The following VPS54 variants were observed in gnomAD, a reference collection of about 807,000 sequenced individuals.
VPS54 encodes VPS54 subunit of GARP complex.
In VPS54, 45 loss-of-function variants were observed where a neutral mutation model predicts 121.5. That is an observed-to-expected ratio of 0.37 (90% confidence interval 0.29 to 0.47). The LOEUF (loss-of-function observed/expected upper bound fraction) is 0.47, where lower values mean the gene tolerates loss of function less well. VPS54 is among the 20% of genes least tolerant of loss of function. The pLI, the probability that VPS54 is intolerant of heterozygous loss-of-function variation, is 0.99. For synonymous variants in VPS54, 371 were observed against 385.8 expected (o/e 0.96, Z 0.45); for missense variants, 1,090 against 1,131.4 (o/e 0.96, Z 0.52).
chr2:63,894,206 C>T (rs1408138045), intron 22 of VPS54, among the ~76,000 whole-genome samples: 1 of 152,126 alleles, frequency 6.6e-6, no homozygotes, highest in Non-Finnish European at 1.5e-5. Flanking sequence ...CAAACTACTC[C>T]ACTAATGTGG....
At chr2:63,932,210 T>A (rs1336539312) in intron 12 of VPS54, among the ~76,000 whole-genome samples, 1 of 152,214 alleles carries the variant, frequency 6.6e-6, no homozygotes, top group East Asian at 1.9e-4. Flanking sequence ...TGCACACGTA[T>A]GTTTACTGTG....
intron 1 of VPS54, among the ~76,000 whole-genome samples, chr2:63,996,758 A>G (rs190793575): frequency 3.0e-4 from 46 of 152,170 alleles, no homozygotes; most frequent in Admixed American, 3.9e-4. Context: ...GATGAAACAC[A>G]CCCTAGTCTC....
chr2:63,938,024 G>A (rs957476861), intron 11 of VPS54, among the ~76,000 whole-genome samples: 12 of 149,726 alleles, frequency 8.0e-5, no homozygotes, highest in African/African-American at 3.0e-4. Flanking sequence ...CAGGGGATTG[G>A]GGAAAGTGGA....
chr2:63,986,561 A>G (rs375285008), intron 1 of VPS54, among the ~76,000 whole-genome samples: 5 of 152,370 alleles, frequency 3.3e-5, no homozygotes, highest in South Asian at 2.1e-4. Context: ...ATACTGCTGC[A>G]ATAAATATGG....
At chr2:63,941,516 C>T (rs1051843570) in intron 11 of VPS54, among the ~76,000 whole-genome samples, 1 of 152,144 alleles carries the variant, frequency 6.6e-6, no homozygotes, top group Non-Finnish European at 1.5e-5. Context: ...TGTAATCCAC[C>T]GTGCCCAGCC....
chr2:63,992,090 C>G (rs1040653152), intron 1 of VPS54, among the ~76,000 whole-genome samples: 1 of 152,170 alleles, frequency 6.6e-6, no homozygotes, highest in Non-Finnish European at 1.5e-5. Context: ...ATTCAGTTGA[C>G]GAGATTAAAC....
chr2:63,932,350 C>G (rs986077301), intron 12 of VPS54, among the ~76,000 whole-genome samples: 9 of 152,136 alleles, frequency 5.9e-5, no homozygotes, highest in Non-Finnish European at 1.3e-4. Flanking sequence ...AGTTCATGTC[C>G]TTTGCAGGGA....
At chr2:63,998,969 C>A (rs1403467357) in intron 1 of VPS54, among the ~76,000 whole-genome samples, 1 of 151,912 alleles carries the variant, frequency 6.6e-6, no homozygotes, top group African/African-American at 2.4e-5. Flanking sequence ...TTTTTTAAGA[C>A]AGAGTCTCAC....
chr2:64,008,357 T>C (rs1475523692), intron 1 of VPS54, among the ~76,000 whole-genome samples: 1 of 150,090 alleles, frequency 6.7e-6, no homozygotes, highest in Admixed American at 6.7e-5. Context: ...GAGGTTGCAA[T>C]GAGCCAAGAT....
intron 12 of VPS54, among the ~76,000 whole-genome samples, chr2:63,922,539 C>T (rs1444229058): frequency 1.3e-5 from 2 of 152,142 alleles, no homozygotes; most frequent in African/African-American, 4.8e-5. Flanking sequence ...AACATTATCT[C>T]GTTTCATTCT....
At chr2:63,984,701 A>C (rs1676960290) in intron 1 of VPS54, among the ~76,000 whole-genome samples, 1 of 152,246 alleles carries the variant, frequency 6.6e-6, no homozygotes, top group South Asian at 2.1e-4. Flanking sequence ...TAAGTAATTA[A>C]AACAAATATA....
intron 1 of VPS54, among the ~76,000 whole-genome samples, chr2:63,991,394 G>A (rs956561064): frequency 4.3e-4 from 66 of 152,130 alleles, no homozygotes; most frequent in African/African-American, 1.3e-3. Flanking sequence ...ACCTGATCAC[G>A]AGGTGTTCCC....
intron 20 of VPS54, among the ~76,000 whole-genome samples, chr2:63,904,945 A>G (rs1472547091): frequency 6.6e-6 from 1 of 152,246 alleles, no homozygotes; most frequent in African/African-American, 2.4e-5. Context: ...CAGATTTCCA[A>G]ATAACCCAAG....
At chr2:63,913,904 T>C in intron 17 of VPS54, 1 of 1,166,196 alleles carries the variant, frequency 8.6e-7, no homozygotes, top group South Asian at 2.8e-5. Context: ...TTGACCTAAG[T>C]GGCCTCAGTC....
chr2:63,983,187 G>A (rs944066565), intron 2 of VPS54, among the ~76,000 whole-genome samples: 1 of 140,740 alleles, frequency 7.1e-6, no homozygotes, highest in Non-Finnish European at 1.5e-5. Flanking sequence ...GTCTCGTTCT[G>A]TCACCCAGGC....
chr2:64,008,990 T>A (rs1364918126), intron 1 of VPS54, among the ~76,000 whole-genome samples: 1 of 152,192 alleles, frequency 6.6e-6, no homozygotes, highest in Non-Finnish European at 1.5e-5. Context: ...AGTTCTAGAG[T>A]AACTTGATTT....
chr2:63,948,091 A>G (rs1222267060), intron 8 of VPS54, among the ~76,000 whole-genome samples: 1 of 152,084 alleles, frequency 6.6e-6, no homozygotes, highest in Non-Finnish European at 1.5e-5. Context: ...TCAGCCTCCT[A>G]AAGTGCTTGG....
intron 20 of VPS54, among the ~76,000 whole-genome samples, chr2:63,903,084 G>GA (rs569758442): frequency 7.2e-4 from 110 of 152,212 alleles, no homozygotes; most frequent in African/African-American, 2.5e-3. Context: ...GAGAGAAATT[G>GA]AAACTATAAA....
intron 16 of VPS54, 121 bp downstream of exon 16, chr2:63,916,779 A>T: frequency 1.2e-6 from 1 of 863,150 alleles, no homozygotes; most frequent in Non-Finnish European, 1.9e-6. Context: ...TAAAACAGTT[A>T]ATCCAAATTT....
Sources: gnomAD v4.1 joint callset for allele counts (sites outside exome capture counted in the v4.1 genomes callset) on GRCh38, gnomAD v4.1.1 for gene constraint, MANE v1.5 for transcripts, NCBI Gene and HGNC (gene_info 2026-07-23, HGNC 2026-07-21) for gene names.